The following PDZRN4 variants were observed in gnomAD, a reference collection of about 807,000 sequenced individuals.
The protein encoded by PDZRN4 is PDZ domain-containing RING finger protein 4.
In PDZRN4, 70 loss-of-function variants were observed where a neutral mutation model predicts 99.0. The observed-to-expected ratio is 0.71, with a 90% CI of 0.58 to 0.86. The LOEUF is 0.86. PDZRN4 is among the 40% of genes least tolerant of loss of function. The pLI is 0.00. For missense variants in PDZRN4, 1,474 were observed against 1,331.2 expected (o/e 1.11, Z -1.67); for synonymous variants, 551 against 501.6 (o/e 1.10, Z -1.32).
In PDZRN4 at chr12:41,209,738, G is replaced by A. The variant is rs55683362; in HGVS notation, c.843+15550G>A. On this transcript the variant is annotated intron_variant, in intron 3 of 9. Coordinates refer to ENST00000402685, the MANE Select transcript of PDZRN4 (RefSeq NM_001164595.2). ...ATATGTGCCACATTTTCTTAATCCA[G>A]TCTATCGTTGTTGGACATTTGGGTT... Among the ~76,000 whole-genome samples, 1,014 of 149,228 alleles carry A rather than the reference G, an allele frequency of 6.8e-3. 4 individuals are homozygous for A. The highest frequency in any genetic ancestry group is 0.031 in the Middle Eastern group (9 of 292).
intron 3 of PDZRN4, among the ~76,000 whole-genome samples, chr12:41,268,293 G>A (rs150199020): frequency 9.9e-4 from 151 of 152,270 alleles, no homozygotes; most frequent in Non-Finnish European, 1.5e-3. Context: ...TGCCAGACGA[G>A]GCCAGATCTC....
chr12:41,439,218 G>A (rs1952656610), intron 3 of PDZRN4, among the ~76,000 whole-genome samples: 1 of 152,126 alleles, frequency 6.6e-6, no homozygotes, highest in Admixed American at 6.5e-5. Context: ...GATTAACATT[G>A]TTAATTACAC....
intron 4 of PDZRN4, among the ~76,000 whole-genome samples, chr12:41,509,316 G>T (rs771129370): frequency 1.3e-5 from 2 of 152,124 alleles, no homozygotes; most frequent in Middle Eastern, 3.4e-3. Context: ...AGAGAGGAGG[G>T]GACAATGTGA....
In PDZRN4 at chr12:41,573,465, G is replaced by A. The variant is rs770862484; in HGVS notation, c.2686G>A (p.Asp896Asn). ...KMEWKVKIRS[D>N]GTRYITKRPV... The stretch of plus-strand genomic sequence containing the variant: ...GGAATGGAAGGTGAAAATTAGGAGC[G>A]ACGGGACACGGTACATCACAAAGAG... The change falls in exon 10 of 10, where the codon GAC (aspartate) becomes AAC (asparagine). Residue 896 changes from aspartate (D) to asparagine (N), a missense_variant. By Grantham distance (23) the Asp-to-Asn change is conservative. Coordinates refer to ENST00000402685, the MANE Select transcript of PDZRN4 (RefSeq NM_001164595.2). 12 of 1,613,884 alleles carry A rather than the reference G, an allele frequency of 7.4e-6. No individual in the cohort carries two copies. Among genetic ancestry groups the A allele is most frequent in the East Asian group, 4.5e-5 (2 of 44,830 alleles).
intron 3 of PDZRN4, among the ~76,000 whole-genome samples, chr12:41,344,594 A>G (rs1055125360): frequency 2.6e-5 from 4 of 151,716 alleles, no homozygotes; most frequent in African/African-American, 7.3e-5. Flanking sequence ...TTTTTAGAGT[A>G]AAGAAACAAA....
chr12:41,340,924 C>T (rs1459245363), intron 3 of PDZRN4, among the ~76,000 whole-genome samples: 1 of 151,792 alleles, frequency 6.6e-6, no homozygotes, highest in Non-Finnish European at 1.5e-5. Flanking sequence ...AAATAAACTA[C>T]AGGCCAATAT....
At chr12:41,519,610 T>A (rs1938458983) in intron 5 of PDZRN4, among the ~76,000 whole-genome samples, 1 of 151,924 alleles carries the variant, frequency 6.6e-6, no homozygotes, top group South Asian at 2.1e-4. Context: ...ATTTTTTTTT[T>A]ATTGCTTCTA....
intron 3 of PDZRN4, among the ~76,000 whole-genome samples, chr12:41,201,550 A>G (rs1384411688): frequency 2.0e-5 from 3 of 152,112 alleles, no homozygotes; most frequent in Non-Finnish European, 4.4e-5. Flanking sequence ...TGTGCCTGGG[A>G]AACTTCAGAC....
intron 3 of PDZRN4, among the ~76,000 whole-genome samples, chr12:41,327,194 A>AT (rs1291262514): frequency 1.3e-5 from 2 of 151,832 alleles, no homozygotes; most frequent in Non-Finnish European, 2.9e-5. Flanking sequence ...TCAGGCCATT[A>AT]TTTTTTTTAT....
At chr12:41,441,966 C>T (rs1001409634) in intron 3 of PDZRN4, among the ~76,000 whole-genome samples, 5 of 152,080 alleles carry the variant, frequency 3.3e-5, no homozygotes, top group African/African-American at 1.2e-4. Context: ...TCTCTGATAC[C>T]GTAAGAATTT....
chr12:41,312,029 A>T (rs1951610136), intron 3 of PDZRN4, among the ~76,000 whole-genome samples: 1 of 152,178 alleles, frequency 6.6e-6, no homozygotes, highest in Non-Finnish European at 1.5e-5. Context: ...AGGAAAGCTT[A>T]GGTTGATCCT....
intron 3 of PDZRN4, among the ~76,000 whole-genome samples, chr12:41,375,711 A>C (rs566728223): frequency 6.6e-6 from 1 of 152,208 alleles, no homozygotes; most frequent in Admixed American, 6.5e-5. Flanking sequence ...TAGTTAAAAG[A>C]TCTCTCACCT....
intron 3 of PDZRN4, among the ~76,000 whole-genome samples, chr12:41,385,761 A>T (rs1952165504): frequency 6.6e-6 from 1 of 152,132 alleles, no homozygotes; most frequent in Admixed American, 6.5e-5. Context: ...AGTTGGTACC[A>T]TCCCTGCTAT....
chr12:41,573,269 C>G lies in PDZRN4; in HGVS notation c.2490C>G (p.Leu830=), dbSNP rs1939516786. Residue 830 remains leucine, a synonymous_variant, in exon 10 of 10, where the codon CTC becomes CTG. Transcript: ENST00000402685. ...EKAVSEHIPY[L]SPYHSSSYRY... ...CAGTCAGCGAACACATCCCTTACCT[C>G]TCTCCTTACCACAGCTCCTCATATA... The G allele has an allele frequency of 4.3e-6, 7 of 1,613,846 alleles. No homozygotes were observed. The highest frequency in any genetic ancestry group is 5.9e-6 in the Non-Finnish European group (7 of 1,180,016).
intron 8 of PDZRN4, among the ~76,000 whole-genome samples, chr12:41,565,579 C>G (rs922052440): frequency 6.7e-6 from 1 of 150,102 alleles, no homozygotes; most frequent in South Asian, 2.1e-4. Flanking sequence ...TGTGCTTTTT[C>G]TAGCTTTTTT....
intron 7 of PDZRN4, among the ~76,000 whole-genome samples, chr12:41,557,363 A>G (rs1240872334): frequency 1.3e-5 from 2 of 151,890 alleles, no homozygotes; most frequent in East Asian, 3.9e-4. Flanking sequence ...CAGAGCTACT[A>G]TTTCTCCTTG....
rs184776611 is a variant in PDZRN4, at chr12:41,457,636, T to C, written c.844-48820T>C. On this transcript the variant is annotated intron_variant, in intron 3 of 9. Coordinates refer to ENST00000402685, the MANE Select transcript of PDZRN4 (RefSeq NM_001164595.2). ...CTACATTTTCTAGGGGACCAAGATCTTTTCCATCAATGCTTATTTTCCTTG... is the reference window on the plus strand; with the variant it reads ...CTACATTTTCTAGGGGACCAAGATCCTTTCCATCAATGCTTATTTTCCTTG... 3.7e-4 allele frequency among the ~76,000 whole-genome samples: 57 copies of C among 152,342 alleles called. No homozygotes were observed. In the Middle Eastern group the frequency reaches 0.02, roughly 55 times the overall value.
chr12:41,194,850 G>A (rs1359047606), intron 3 of PDZRN4, among the ~76,000 whole-genome samples: 2 of 152,052 alleles, frequency 1.3e-5, no homozygotes, highest in Non-Finnish European at 2.9e-5. Context: ...AATCTCTGTT[G>A]AGGAACATTT....
intron 6 of PDZRN4, 54 bp downstream of exon 6, chr12:41,552,808 C>T (rs1228120577): frequency 6.0e-6 from 8 of 1,336,074 alleles, no homozygotes; most frequent in South Asian, 5.9e-5. Flanking sequence ...AAGAACAGAG[C>T]GAAATGACTC....
Sources: allele counts gnomAD v4.1 joint callset (sites outside exome capture counted in the v4.1 genomes callset), GRCh38; gene constraint gnomAD v4.1.1; transcripts MANE v1.5; gene names NCBI Gene and HGNC (gene_info 2026-07-23, HGNC 2026-07-21).